Variants in MTCL2 observed in about 807,000 individuals in gnomAD.
MTCL2 encodes the protein microtubule crosslinking factor 2, also known as microtubule cross-linking factor 2.
the MTCL2 span, among the ~76,000 whole-genome samples, chr20:36,833,814 C>A: frequency 7.2e-5 from 11 of 152,014 alleles, no homozygotes; most frequent in East Asian, 1.5e-3. Context: ...GATCAGCCAC[C>A]GTACTGCAGC....
At chr20:36,807,106 G>A in the MTCL2 span, among the ~76,000 whole-genome samples, 6 of 152,196 alleles carry the variant, frequency 3.9e-5, 1 homozygote, top group Admixed American at 1.3e-4. Context: ...CCCAGGGGCG[G>A]CCCTGTGTCA....
At chr20:36,810,584 C>T in the MTCL2 span, among the ~76,000 whole-genome samples, 2 of 151,996 alleles carry the variant, frequency 1.3e-5, no homozygotes. Flanking sequence ...AAAAACAAAA[C>T]CAAAAACGCT....
At chr20:36,835,500 C>T in the MTCL2 span, among the ~76,000 whole-genome samples, 1 of 152,234 alleles carries the variant, frequency 6.6e-6, no homozygotes, top group South Asian at 2.1e-4. Flanking sequence ...ACGGAGCTGG[C>T]AGAGCAAGTT....
chr20:36,843,448 C>T, the MTCL2 span, among the ~76,000 whole-genome samples: 1 of 151,908 alleles, frequency 6.6e-6, no homozygotes, highest in African/African-American at 2.4e-5. Flanking sequence ...CCACCTCCAC[C>T]CTCATAGACT....
At chr20:36,859,017 C>T in the MTCL2 span, among the ~76,000 whole-genome samples, 11 of 152,308 alleles carry the variant, frequency 7.2e-5, no homozygotes, top group African/African-American at 2.6e-4. Flanking sequence ...TTTCGAACTC[C>T]TGACCTTAGG....
the MTCL2 span, among the ~76,000 whole-genome samples, chr20:36,837,176 C>T: frequency 2.0e-5 from 3 of 152,308 alleles, no homozygotes; most frequent in Non-Finnish European, 4.4e-5. Context: ...GTCACCCCTG[C>T]AGGAAGCCTC....
the MTCL2 span, chr20:36,805,898 A>G: frequency 6.2e-7 from 1 of 1,613,702 alleles, no homozygotes; most frequent in Non-Finnish European, 8.5e-7. Context: ...TGTTATCAGA[A>G]TGCTGAGCGT....
At chr20:36,799,182 C>A in the MTCL2 span, among the ~76,000 whole-genome samples, 1 of 151,776 alleles carries the variant, frequency 6.6e-6, no homozygotes. Context: ...ACGGCGAAAC[C>A]CCATCTCTAC....
chr20:36,805,249 G>A, the MTCL2 span, among the ~76,000 whole-genome samples: 10 of 152,200 alleles, frequency 6.6e-5, no homozygotes, highest in Non-Finnish European at 1.5e-4. Flanking sequence ...CTGACCCGCT[G>A]CAGGCCAGAT....
chr20:36,810,717 C>CT, the MTCL2 span, among the ~76,000 whole-genome samples: 122 of 94,268 alleles, frequency 1.3e-3, 3 homozygotes, highest in African/African-American at 4.2e-3. Flanking sequence ...TCTCTCTCTC[C>CT]CTCTCTCTCT....
chr20:36,808,612 G>T, the MTCL2 span: 1 of 1,611,798 alleles, frequency 6.2e-7, no homozygotes, highest in Admixed American at 1.7e-5. Flanking sequence ...AGTTGTGCTT[G>T]AATTGCTGGG....
chr20:36,797,527 T>A, the MTCL2 span: 1 of 1,555,978 alleles, frequency 6.4e-7, no homozygotes, highest in Non-Finnish European at 8.7e-7. Flanking sequence ...GTCCTGCTTC[T>A]CCAGCTCCGA....
the MTCL2 span, among the ~76,000 whole-genome samples, chr20:36,827,621 C>T: frequency 2.0e-5 from 3 of 152,108 alleles, no homozygotes; most frequent in South Asian, 4.1e-4. Context: ...TGTGAGCCAC[C>T]GTGCAGGCTT....
chr20:36,798,072 AT>A, the MTCL2 span, among the ~76,000 whole-genome samples: 3,884 of 142,364 alleles, frequency 0.027, 68 homozygotes, highest in Middle Eastern at 0.051. Flanking sequence ...ACATTAGTTA[AT>A]TTTTTTTTTT....
At chr20:36,837,547 CATTATT>C in the MTCL2 span, among the ~76,000 whole-genome samples, 43,125 of 124,810 alleles carry the variant, frequency 0.35, 7,013 homozygotes, top group East Asian at 0.7. Context: ...ATTTTACCCA[CATTATT>C]ATTATTATTA....
the MTCL2 span, among the ~76,000 whole-genome samples, chr20:36,861,473 A>G: frequency 6.6e-6 from 1 of 152,228 alleles, no homozygotes; most frequent in Non-Finnish European, 1.5e-5. Flanking sequence ...ATGGGGAGAC[A>G]GAGACATAGT....
chr20:36,834,711 C>A, the MTCL2 span, among the ~76,000 whole-genome samples: 2 of 152,074 alleles, frequency 1.3e-5, no homozygotes, highest in Admixed American at 6.6e-5. Context: ...AATAAGAAAA[C>A]CACAACCAGA....
the MTCL2 span, among the ~76,000 whole-genome samples, chr20:36,825,853 C>G: frequency 6.6e-6 from 1 of 152,156 alleles, no homozygotes; most frequent in South Asian, 2.1e-4. Flanking sequence ...ACAGGGCACG[C>G]GAGGAGAGCT....
At chr20:36,853,353 A>G in the MTCL2 span, among the ~76,000 whole-genome samples, 1 of 152,176 alleles carries the variant, frequency 6.6e-6, no homozygotes, top group Non-Finnish European at 1.5e-5. Context: ...GAGGTCAAGT[A>G]TGTTGCCCAG....
Sources: gnomAD v4.1 joint callset for allele counts (sites outside exome capture counted in the v4.1 genomes callset) on GRCh38, gnomAD v4.1.1 for gene constraint, MANE v1.5 for transcripts, NCBI Gene and HGNC (gene_info 2026-07-23, HGNC 2026-07-21) for gene names.